CA6: variants seen among roughly 807,000 people sequenced by gnomAD.
CA6 encodes the protein carbonic anhydrase 6, also known as carbonate dehydratase VI.
Under a neutral mutation model 35.9 loss-of-function variants are expected in CA6, and 28 were observed. The ratio of observed to expected loss-of-function variants is 0.78; its 90% CI spans 0.58 to 1.07. The LOEUF (loss-of-function observed/expected upper bound fraction) is 1.07. CA6 is among the 50% of genes least tolerant of loss of function. The probability of loss-of-function intolerance (pLI) is 0.00; values close to 1 mark genes in which losing one functional copy is unlikely to be tolerated. For missense variants in CA6, 377 were observed against 382.0 expected (o/e 0.99, Z 0.11); for synonymous variants, 148 against 152.6 (o/e 0.97, Z 0.22).
chr1:8,947,125 T>C (rs1639387301), intron 1 of CA6, among the ~76,000 whole-genome samples: 1 of 151,990 alleles, frequency 6.6e-6, no homozygotes, highest in South Asian at 2.1e-4. Flanking sequence ...TTTTAAAATG[T>C]GAAATGTAAA....
rs113532929 is a variant in CA6 at position 8,960,743 on chromosome 1, AACACACACACAC to A, written c.501+1777_501+1788del. 4.5e-3 allele frequency among the ~76,000 whole-genome samples: 486 copies of A among 109,044 alleles called. 8 individuals are homozygous for A. Among genetic ancestry groups the A allele is most frequent in the African/African-American group, 0.017 (443 of 25,896 alleles). The allele number at this position is 109,044 out of a possible 152,430, so 71.5% of individuals were successfully genotyped here. A position where few individuals can be genotyped will look rare whatever the true frequency, so the allele number is the denominator to read the frequency against. ...TCATGGGGACAAAATCAAGTATAGC[AACACACACACAC>A]ACACACACACACACACACACACACA... On this transcript the variant is annotated intron_variant, in intron 4 of 7. Transcript: ENST00000377443.
chr1:8,951,364 C>T (rs1250764482), intron 2 of CA6: 6 of 706,460 alleles, frequency 8.5e-6, no homozygotes, highest in South Asian at 3.1e-5. Context: ...TGAACAAAAG[C>T]CTCATTTTCA....
At chr1:8,973,712 CTT>C (rs34718211) in intron 7 of CA6, among the ~76,000 whole-genome samples, 34,441 of 67,070 alleles carry the variant, frequency 0.51, 5,338 homozygotes, top group East Asian at 0.63. Flanking sequence ...CTTTCTCTCT[CTT>C]TCTTTCTTTC....
intron 3 of CA6, among the ~76,000 whole-genome samples, chr1:8,958,415 G>A (rs1011063747): frequency 2.0e-5 from 3 of 152,136 alleles, no homozygotes; most frequent in African/African-American, 4.8e-5. Context: ...TGATCCACCC[G>A]CCTCGGCCTC....
intron 1 of CA6, among the ~76,000 whole-genome samples, chr1:8,947,969 C>A (rs917682656): frequency 2.0e-5 from 3 of 151,886 alleles, no homozygotes; most frequent in Admixed American, 6.5e-5. Context: ...CTTAGCCTCT[C>A]AAGTAGCTGG....
chr1:8,957,233 C>A lies in CA6; in HGVS notation c.356C>A (p.Ser119Ter). 1 of 1,614,106 alleles carries A rather than the reference C, an allele frequency of 6.2e-7. No individual in the cohort carries two copies. Among genetic ancestry groups the A allele is most frequent in the African/African-American group, 1.3e-5 (1 of 75,036 alleles). Residue 119 changes from serine to a stop codon, truncating the protein, a stop_gained, in exon 3 of 8, where the codon TCG becomes TAG. Transcript: ENST00000377443. LOFTEE classifies it high-confidence loss of function. ...QMHFHWGGASSEISGSEHTVD... is the reference protein window; with the variant it reads ...QMHFHWGGAS ...CACTTTCACTGGGGAGGTGCGTCCT[C>A]GGAGATCAGCGGCTCTGAGCACACC...
At chr1:8,950,593 G>C (rs1463832158) in intron 2 of CA6, among the ~76,000 whole-genome samples, 1 of 152,186 alleles carries the variant, frequency 6.6e-6, no homozygotes, top group African/African-American at 2.4e-5. Flanking sequence ...ACTTGGCCAG[G>C]CATGGTGGCT....
intron 5 of CA6, among the ~76,000 whole-genome samples, chr1:8,965,828 A>G (rs1639952645): frequency 6.6e-6 from 1 of 151,532 alleles, no homozygotes; most frequent in Admixed American, 6.6e-5. Flanking sequence ...CAGAGGTTGC[A>G]GTGAGCTGAG....
intron 6 of CA6, among the ~76,000 whole-genome samples, chr1:8,968,722 A>G (rs1640033369): frequency 6.6e-6 from 1 of 152,212 alleles, no homozygotes; most frequent in South Asian, 2.1e-4. Flanking sequence ...AGTATCAAAA[A>G]TTAATAATCC....
rs777740150 is a variant in CA6, at chr1:8,957,097, G to A, written c.260-40G>A. The A allele has an allele frequency of 2.6e-6, 4 of 1,545,294 alleles. No homozygotes were observed. The South Asian group carries it at 3.7e-5, about 14-fold the overall frequency. ...CAGCCTGTAGGCCTGACCCCTCTGT[G>A]TTCACCTACTCTGCTCTCAGCCCCA... On this transcript the variant is annotated intron_variant, in intron 2 of 7. Coordinates refer to ENST00000377443, the MANE Select transcript of CA6 (RefSeq NM_001215.4).
intron 2 of CA6, among the ~76,000 whole-genome samples, chr1:8,953,225 G>A (rs536983797): frequency 6.6e-6 from 1 of 152,144 alleles, no homozygotes; most frequent in South Asian, 2.1e-4. Context: ...TTTCTTTTCA[G>A]TGCTGAATAT....
At chr1:8,966,357 G>A (rs1007293827) in intron 5 of CA6, among the ~76,000 whole-genome samples, 10 of 152,164 alleles carry the variant, frequency 6.6e-5, no homozygotes, top group East Asian at 3.9e-4. Context: ...TGATCCACCC[G>A]CCTCGGCCTC....
intron 2 of CA6, among the ~76,000 whole-genome samples, chr1:8,953,350 A>C (rs1214969690): frequency 2.6e-5 from 4 of 152,150 alleles, no homozygotes; most frequent in African/African-American, 7.2e-5. Flanking sequence ...CAGGCCAGGC[A>C]TGGTGGCTCA....
intron 6 of CA6, 91 bp downstream of exon 6, chr1:8,967,907 T>A: frequency 8.8e-7 from 1 of 1,131,738 alleles, no homozygotes; most frequent in Non-Finnish European, 1.3e-6. Flanking sequence ...CGTCAACAAC[T>A]AAGGGGTCCT....
chr1:8,951,937 A>G, intron 2 of CA6: 1 of 186,518 alleles, frequency 5.4e-6, no homozygotes, highest in Non-Finnish European at 1.1e-5. Flanking sequence ...CTCCTGCCTC[A>G]GCTTCCCTGG....
intron 6 of CA6, among the ~76,000 whole-genome samples, chr1:8,970,328 T>C (rs932848409): frequency 5.3e-5 from 8 of 151,920 alleles, no homozygotes; most frequent in Non-Finnish European, 8.8e-5. Context: ...CAAATACTCA[T>C]ATAAAAAGCT....
chr1:8,956,083 C>T (rs1639673377), intron 2 of CA6, among the ~76,000 whole-genome samples: 1 of 151,936 alleles, frequency 6.6e-6, no homozygotes, highest in Non-Finnish European at 1.5e-5. Flanking sequence ...ATTAGCCGGG[C>T]ATGGTGGCAT....
chr1:8,953,754 T>C (rs1403235996), intron 2 of CA6, among the ~76,000 whole-genome samples: 1 of 152,170 alleles, frequency 6.6e-6, no homozygotes, highest in Non-Finnish European at 1.5e-5. Context: ...TGAACCAGAG[T>C]GACCCCATCT....
At chr1:8,974,424 C>A in intron 7 of CA6, 198 bp from the exon 8 acceptor site, 1 of 1,533,912 alleles carries the variant, frequency 6.5e-7, no homozygotes, top group South Asian at 1.2e-5. Context: ...CCCCTTGGCT[C>A]TGGGCAGCTT....
Sources: gnomAD v4.1 joint callset for allele counts (sites outside exome capture counted in the v4.1 genomes callset) on GRCh38, gnomAD v4.1.1 for gene constraint, MANE v1.5 for transcripts, NCBI Gene and HGNC (gene_info 2026-07-23, HGNC 2026-07-21) for gene names.